Variants in MCUB observed in about 807,000 individuals in gnomAD.
MCUB encodes the protein mitochondrial calcium uniporter dominant negative subunit beta, also known as calcium uniporter regulatory subunit MCUb, mitochondrial.
A neutral mutation model predicts 41.4 loss-of-function variants in MCUB; 46 were observed. The ratio of observed to expected loss-of-function variants is 1.11; its 90% CI spans 0.88 to 1.42. The LOEUF is 1.42. Ranked by LOEUF, MCUB falls within the 40% of genes most tolerant of loss-of-function variation. The pLI is 0.00. For synonymous variants in MCUB, 148 were observed against 148.2 expected, an observed-to-expected ratio of 1.00 and a Z score of 0.01; for missense variants, 403 against 404.9, an observed-to-expected ratio of 1.00 and a Z score of 0.04.
chr4:109,580,323 A>G (rs1001655589), intron 1 of MCUB, among the ~76,000 whole-genome samples: 26 of 152,322 alleles, frequency 1.7e-4, no homozygotes, highest in African/African-American at 6.3e-4. Flanking sequence ...TATGGTGAAT[A>G]GTGCCACAAT....
intron 1 of MCUB, among the ~76,000 whole-genome samples, chr4:109,596,959 G>C (rs1167427618): frequency 1.3e-5 from 2 of 151,682 alleles, no homozygotes; most frequent in Non-Finnish European, 2.9e-5. Context: ...GCCTTCAAGC[G>C]TCTGTTTAAC....
chr4:109,611,865 A>G (rs1403956627), intron 1 of MCUB, among the ~76,000 whole-genome samples: 1 of 152,248 alleles, frequency 6.6e-6, no homozygotes. Flanking sequence ...TAAGAAGAAA[A>G]TAAAGCCCTA....
chr4:109,591,156 C>T (rs143028255), intron 1 of MCUB, among the ~76,000 whole-genome samples: 270 of 151,734 alleles, frequency 1.8e-3, no homozygotes, highest in Non-Finnish European at 3.0e-3. Flanking sequence ...TTTTCACCAT[C>T]GTCCTCTCTC....
rs190213467 is a variant in MCUB, at chr4:109,627,784, G to A, written c.100-31227G>A. ...AAAAATTAGCCAGGTGTGGTGGTGC[G>A]CACCTGTAATCCCAGTTACTCGGGA... On this transcript the variant is annotated intron_variant, in intron 1 of 7. Transcript: ENST00000394650. Among the ~76,000 whole-genome samples, 272 of 152,064 alleles carry A rather than the reference G, an allele frequency of 1.8e-3. 1 individual carries two copies. Among genetic ancestry groups the A allele is most frequent in the African/African-American group, 5.8e-3 (242 of 41,504 alleles).
rs1180989927 is a variant in MCUB, at chr4:109,560,423, C to T, written c.86C>T (p.Pro29Leu). 6 of 1,293,944 alleles carry T rather than the reference C, an allele frequency of 4.6e-6. No homozygotes were observed. Among genetic ancestry groups the T allele is most frequent in the Non-Finnish European group, 5.9e-6 (6 of 1,021,720 alleles). The allele number at this position is 1,293,944 out of a possible 1,614,324, so 80.2% of individuals were successfully genotyped here. A position where few individuals can be genotyped will look rare whatever the true frequency, so the allele number is the denominator to read the frequency against. Reference sequence around the variant, plus strand: ...CGCCCAGCGCGCCCGTGGCCGCTGCCGCCTCCGCCCCAGGTAAGAGCGGGT... The same window carrying T: ...CGCCCAGCGCGCCCGTGGCCGCTGCTGCCTCCGCCCCAGGTAAGAGCGGGT... The part of the protein sequence containing the change: ...TWRPARPWPL[P>L]PPPQVLRVKL... The change falls in exon 1 of 8, where the codon CCG (proline) becomes CTG (leucine). Residue 29 changes from proline to leucine, a missense_variant. Physicochemically the swap from Pro to Leu is moderately conservative, Grantham distance 98. Transcript: ENST00000394650.
At chr4:109,651,618 TATTTA>T (rs1216526094) in intron 1 of MCUB, among the ~76,000 whole-genome samples, 2 of 152,228 alleles carry the variant, frequency 1.3e-5, no homozygotes, top group Non-Finnish European at 2.9e-5. Context: ...AAAAATTTTA[TATTTA>T]ATTTCATTTA....
intron 1 of MCUB, among the ~76,000 whole-genome samples, chr4:109,618,309 A>G (rs748403345): frequency 6.6e-6 from 1 of 152,220 alleles, no homozygotes; most frequent in African/African-American, 2.4e-5. Flanking sequence ...CTTGTCTTTC[A>G]GATGGACAAT....
chr4:109,567,150 A>G (rs1245790028), intron 1 of MCUB, among the ~76,000 whole-genome samples: 1 of 151,758 alleles, frequency 6.6e-6, no homozygotes, highest in Non-Finnish European at 1.5e-5. Flanking sequence ...AAAAAAAAAA[A>G]AAAGTGCTGT....
chr4:109,640,121 G>A (rs1392066690), intron 1 of MCUB, among the ~76,000 whole-genome samples: 2 of 152,212 alleles, frequency 1.3e-5, no homozygotes, highest in Non-Finnish European at 2.9e-5. Context: ...ATCTCACAAG[G>A]TACATTCTCA....
At chr4:109,644,535 T>C (rs1728790794) in intron 1 of MCUB, among the ~76,000 whole-genome samples, 1 of 152,224 alleles carries the variant, frequency 6.6e-6, no homozygotes, top group Non-Finnish European at 1.5e-5. Flanking sequence ...TATTTACCTA[T>C]TGTTAGGCAT....
intron 1 of MCUB, among the ~76,000 whole-genome samples, chr4:109,619,242 A>AT (rs912481279): frequency 2.1e-4 from 32 of 151,256 alleles, no homozygotes; most frequent in East Asian, 5.9e-4. Context: ...TACCCAGCTA[A>AT]TTTTTTTTTG....
At chr4:109,562,821 C>T (rs1217037186) in intron 1 of MCUB, among the ~76,000 whole-genome samples, 1 of 152,102 alleles carries the variant, frequency 6.6e-6, no homozygotes, top group Non-Finnish European at 1.5e-5. Flanking sequence ...GAAAAATACA[C>T]AATTCTCATA....
chr4:109,669,415 T>C (rs758896118), intron 4 of MCUB, among the ~76,000 whole-genome samples: 2 of 152,084 alleles, frequency 1.3e-5, no homozygotes, highest in Non-Finnish European at 2.9e-5. Flanking sequence ...AGCTAAGGGT[T>C]CCCCCCTTCC....
chr4:109,679,861 G>A (rs1312284522), intron 4 of MCUB, among the ~76,000 whole-genome samples: 1 of 152,108 alleles, frequency 6.6e-6, no homozygotes, highest in East Asian at 1.9e-4. Context: ...GAGTGCAGTG[G>A]TGCAATCTCG....
At chr4:109,600,370 G>A (rs938196511) in intron 1 of MCUB, among the ~76,000 whole-genome samples, 2 of 152,314 alleles carry the variant, frequency 1.3e-5, no homozygotes, top group Middle Eastern at 3.4e-3. Context: ...ATGAGCCTAG[G>A]ATGGAGATTT....
chr4:109,584,449 T>C (rs536834912), intron 1 of MCUB, among the ~76,000 whole-genome samples: 1 of 152,336 alleles, frequency 6.6e-6, no homozygotes, highest in Non-Finnish European at 1.5e-5. Flanking sequence ...TGTCTCTGTC[T>C]CCTTCAGTTC....
rs1167065341 is a variant in MCUB, at chr4:109,674,235, A to G, written c.452-8347A>G. On this transcript the variant is annotated intron_variant, in intron 4 of 7. Transcript: ENST00000394650. ...AATTTGTATGGGTTTAGATGGTAAC[A>G]TGGCATTTTGAATACTGGCTTCCTT... The G allele has an allele frequency of 4.2e-6, 3 of 717,368 alleles. No individual in the cohort carries two copies. In the South Asian group the frequency reaches 4.7e-5, roughly 11 times the overall value. The allele number at this position is 717,368 out of a possible 1,614,324, so 44.4% of individuals were successfully genotyped here.
chr4:109,607,405 A>G (rs754188515), intron 1 of MCUB, among the ~76,000 whole-genome samples: 4 of 152,120 alleles, frequency 2.6e-5, no homozygotes. Flanking sequence ...TTAAGTAGAG[A>G]CAGGGTTTCA....
chr4:109,686,006 T>G (rs1020450233), intron 7 of MCUB, among the ~76,000 whole-genome samples: 2 of 152,218 alleles, frequency 1.3e-5, no homozygotes, highest in Admixed American at 1.3e-4. Flanking sequence ...GGTAAAAATA[T>G]CCTCCATTGC....
Sources: allele counts gnomAD v4.1 joint callset (sites outside exome capture counted in the v4.1 genomes callset), GRCh38; gene constraint gnomAD v4.1.1; transcripts MANE v1.5; gene names NCBI Gene and HGNC (gene_info 2026-07-23, HGNC 2026-07-21).